The following CELF2 variants were observed in gnomAD, a reference collection of about 807,000 sequenced individuals.
CELF2 encodes CUG triplet repeat RNA-binding protein 2.
In CELF2, 8 loss-of-function variants were observed where a neutral mutation model predicts 62.6. The observed-to-expected ratio is 0.13, with a 90% confidence interval of 0.07 to 0.23. The LOEUF (loss-of-function observed/expected upper bound fraction) is 0.23, where lower values mean the gene tolerates loss of function less well. Ranked by LOEUF, CELF2 falls within the 10% of genes least tolerant of loss-of-function variation. The pLI, the probability that CELF2 is intolerant of heterozygous loss-of-function variation, is 1.00. For synonymous variants in CELF2, 258 were observed against 250.0 expected (o/e 1.03, Z -0.30); for missense variants, 333 against 671.0 (o/e 0.50, Z 5.56).
At chr10:10,768,808 A>G in the CELF2 span, among the ~76,000 whole-genome samples, 1 of 151,996 alleles carries the variant, frequency 6.6e-6, no homozygotes, top group Admixed American at 6.6e-5. Context: ...TCCTGACCTC[A>G]AGTGATCCAC....
intron 1 of CELF2, among the ~76,000 whole-genome samples, chr10:11,078,045 C>T (rs2072640429): frequency 6.6e-6 from 1 of 152,122 alleles, no homozygotes; most frequent in Non-Finnish European, 1.5e-5. Context: ...CTAGAGCAGA[C>T]CATTTGCTTC....
chr10:10,757,988 C>A, the CELF2 span, among the ~76,000 whole-genome samples: 1 of 152,198 alleles, frequency 6.6e-6, no homozygotes, highest in African/African-American at 2.4e-5. Context: ...GGGGCCTGCA[C>A]TCTGTCTACA....
At position 11,103,487 on chromosome 10, in the gene CELF2, A is replaced by ATTTTTTTTT. The variant is rs3054364; in HGVS notation, c.75-61987_75-61979dup. Among the ~76,000 whole-genome samples the ATTTTTTTTT allele has an allele frequency of 3.4e-4, 41 of 119,736 alleles. 1 individual carries two copies. The highest frequency in any genetic ancestry group is 8.7e-4 in the African/African-American group (25 of 28,578). The allele number at this position is 119,736 out of a possible 152,430, so 78.6% of individuals were successfully genotyped here. A position where few individuals can be genotyped will look rare whatever the true frequency, so the allele number is the denominator to read the frequency against. ...CGGATAAACCTGTGTTTGTAGCCTG[A>ATTTTTTTTT]TTTTTTTTTTTTTTTTTTTTACTGT... On this transcript the variant is annotated intron_variant, in intron 1 of 12. Coordinates refer to ENST00000633077, the MANE Select transcript of CELF2 (RefSeq NM_001326342.2).
At position 11,255,737 on chromosome 10, in the gene CELF2, A is replaced by T. The variant is rs2078536490; in HGVS notation, c.404-2001A>T. Among the ~76,000 whole-genome samples the T allele has an allele frequency of 6.6e-6, 1 of 152,074 alleles. No individual in the cohort carries two copies. Among genetic ancestry groups the T allele is most frequent in the African/African-American group, 2.4e-5 (1 of 41,386 alleles). On this transcript the variant is annotated intron_variant, in intron 4 of 12. Transcript: ENST00000633077. This position sits in a 1 kb window ranked among gnomAD's most constrained non-coding sequence, Gnocchi z 5.5. ...AGTCACCCCGAGTATGTCACAGGCC[A>T]CCTTCTCTCCATTTCTAGGAGAGAA...
rs2093201044 is a variant in CELF2 at position 11,296,504 on chromosome 10, G to A, written c.976+7952G>A. Among the ~76,000 whole-genome samples the A allele has an allele frequency of 6.6e-6, 1 of 152,126 alleles. No individual in the cohort carries two copies. Among genetic ancestry groups the A allele is most frequent in the Non-Finnish European group, 1.5e-5 (1 of 68,028 alleles). ...TGAAAAGCATGTGTTGCTTAATTGT[G>A]TTATATTAGGTGGGAAAATCAGCAA... On this transcript the variant is annotated intron_variant, in intron 9 of 12. Transcript: ENST00000633077. The surrounding 1 kb of genome is among the most constrained non-coding windows in gnomAD (Gnocchi z 5.0).
At chr10:10,707,051 C>T in the CELF2 span, among the ~76,000 whole-genome samples, 3 of 152,192 alleles carry the variant, frequency 2.0e-5, no homozygotes. Flanking sequence ...AGTTTTTCAA[C>T]CCTAGGGGGT....
intron 2 of CELF2, among the ~76,000 whole-genome samples, chr10:11,172,028 C>G (rs141602674): frequency 6.2e-4 from 94 of 152,254 alleles, no homozygotes; most frequent in Non-Finnish European, 1.3e-3. Flanking sequence ...ATCTTGAAAT[C>G]AGGAATTGAG....
the CELF2 span, among the ~76,000 whole-genome samples, chr10:10,643,018 T>C: frequency 6.6e-6 from 1 of 152,254 alleles, no homozygotes. Context: ...GCTCAGCCCT[T>C]TGAGTTCTGC....
At position 11,099,510 on chromosome 10, in the gene CELF2, A is replaced by G. The variant is rs186716348; in HGVS notation, c.75-65976A>G. Among the ~76,000 whole-genome samples, 14 of 152,322 alleles carry G rather than the reference A, an allele frequency of 9.2e-5. 1 individual carries two copies. The East Asian group carries it at 2.3e-3, about 25-fold the overall frequency. On this transcript the variant is annotated intron_variant, in intron 1 of 12. Transcript: ENST00000633077. ...TACGAGGTCTTTGCCTTAAACAGATACATTTTAGAGATGGATTAAAAAGGG... is the reference window on the plus strand; with the variant it reads ...TACGAGGTCTTTGCCTTAAACAGATGCATTTTAGAGATGGATTAAAAAGGG...
the CELF2 span, among the ~76,000 whole-genome samples, chr10:10,700,358 C>T: frequency 6.6e-6 from 1 of 152,170 alleles, no homozygotes; most frequent in Non-Finnish European, 1.5e-5. Context: ...TGTTTACATG[C>T]AGCCTCTGAA....
At chr10:10,604,942 A>T in the CELF2 span, among the ~76,000 whole-genome samples, 1 of 152,240 alleles carries the variant, frequency 6.6e-6, no homozygotes, top group Non-Finnish European at 1.5e-5. Context: ...AAGGAACGTG[A>T]ATCATTCTAT....
At chr10:10,589,108 A>G in the CELF2 span, among the ~76,000 whole-genome samples, 1 of 152,186 alleles carries the variant, frequency 6.6e-6, no homozygotes, top group African/African-American at 2.4e-5. Context: ...CAATTAATAG[A>G]TGTACGATGT....
At chr10:11,123,420 A>G (rs1001638156) in intron 1 of CELF2, among the ~76,000 whole-genome samples, 1 of 151,676 alleles carries the variant, frequency 6.6e-6, no homozygotes, top group Admixed American at 6.6e-5. Flanking sequence ...CTGGCTAATT[A>G]TTTTATTTTT....
chr10:10,845,331 CAA>C (rs35114307), intron 1 of CELF2, among the ~76,000 whole-genome samples: 38 of 122,010 alleles, frequency 3.1e-4, no homozygotes, highest in Admixed American at 8.5e-4. Context: ...TTCATTGCTC[CAA>C]AAAAAAAAAA....
At chr10:10,621,803 C>T in the CELF2 span, among the ~76,000 whole-genome samples, 2 of 152,066 alleles carry the variant, frequency 1.3e-5, no homozygotes, top group Non-Finnish European at 2.9e-5. Flanking sequence ...AGATACTTGC[C>T]ATAAGAGGTA....
chr10:10,796,093 GC>G (rs2054124428), upstream of CELF2, among the ~76,000 whole-genome samples: 1 of 152,072 alleles, frequency 6.6e-6, no homozygotes, highest in African/African-American at 2.4e-5. Context: ...CTTTTGAAAA[GC>G]CCCCAAGCAG....
chr10:10,970,656 C>T (rs1465071343), intron 2 of CELF2: 2 of 152,174 alleles, frequency 1.3e-5, no homozygotes, highest in East Asian at 1.9e-4. Flanking sequence ...ACAGTAATCA[C>T]TGATAACAAT....
At chr10:10,606,948 A>G in the CELF2 span, among the ~76,000 whole-genome samples, 231 of 152,286 alleles carry the variant, frequency 1.5e-3, no homozygotes, top group Middle Eastern at 6.8e-3. Flanking sequence ...GGTTACCCTC[A>G]CCTCATTCTG....
chr10:11,135,053 G>A (rs1564884997), intron 1 of CELF2, among the ~76,000 whole-genome samples: 1 of 152,164 alleles, frequency 6.6e-6, no homozygotes, highest in African/African-American at 2.4e-5. Context: ...TCTTGTAGAT[G>A]GGTGTTAGGT....
Sources: allele counts gnomAD v4.1 joint callset (sites outside exome capture counted in the v4.1 genomes callset), GRCh38; gene constraint gnomAD v4.1.1; non-coding constraint Gnocchi (gnomAD v3.1); transcripts MANE v1.5; gene names NCBI Gene and HGNC (gene_info 2026-07-23, HGNC 2026-07-21).